Variants in PDE10A observed in about 807,000 individuals in gnomAD.
PDE10A encodes phosphodiesterase 10A, also known as cAMP and cAMP-inhibited cGMP 3',5'-cyclic phosphodiesterase 10A.
A neutral mutation model predicts 97.7 loss-of-function variants in PDE10A; 39 were observed. That is an observed-to-expected ratio of 0.40 (90% CI 0.31 to 0.52). The LOEUF (loss-of-function observed/expected upper bound fraction) is 0.52, where lower values mean the gene tolerates loss of function less well. PDE10A is among the 20% of genes least tolerant of loss of function. PDE10A has a pLI of 0.56. For synonymous variants in PDE10A, 371 were observed against 376.8 expected (o/e 0.98, Z 0.18); for missense variants, 731 against 1,047.8 (o/e 0.70, Z 4.17).
At chr6:165,638,096 C>T (rs1788963957) in intron 1 of PDE10A, among the ~76,000 whole-genome samples, 2 of 152,096 alleles carry the variant, frequency 1.3e-5, no homozygotes, top group Non-Finnish European at 2.9e-5. Context: ...GTGAAAGAGG[C>T]CAACTCAACA....
intron 1 of PDE10A, among the ~76,000 whole-genome samples, chr6:165,720,245 T>C (rs1273739364): frequency 6.6e-6 from 1 of 152,226 alleles, no homozygotes. Flanking sequence ...ACTATTTATT[T>C]TTTTGATGAT....
chr6:165,750,458 C>T (rs115738734), intron 1 of PDE10A, among the ~76,000 whole-genome samples: 1,938 of 152,224 alleles, frequency 0.013, 40 homozygotes, highest in African/African-American at 0.039. Flanking sequence ...AGCTGGGCTG[C>T]CCAGCACCCC....
chr6:165,432,086 C>T (rs1409933952), intron 7 of PDE10A, among the ~76,000 whole-genome samples: 1 of 152,140 alleles, frequency 6.6e-6, no homozygotes, highest in East Asian at 1.9e-4. Flanking sequence ...ATGTACCAGG[C>T]ACTATTCTAG....
At chr6:165,557,690 G>T (rs1784324578) in intron 1 of PDE10A, among the ~76,000 whole-genome samples, 1 of 151,944 alleles carries the variant, frequency 6.6e-6, no homozygotes, top group Non-Finnish European at 1.5e-5. Context: ...ATTCACCCAA[G>T]AATTTTTTTA....
At chr6:165,387,090 G>T (rs528604610) in intron 17 of PDE10A, among the ~76,000 whole-genome samples, 79 of 152,212 alleles carry the variant, frequency 5.2e-4, no homozygotes, top group Admixed American at 2.0e-3. Context: ...CATTTAAAAA[G>T]GAAAGAGCTG....
At chr6:165,492,836 C>T (rs1373007013) in intron 2 of PDE10A, among the ~76,000 whole-genome samples, 1 of 152,092 alleles carries the variant, frequency 6.6e-6, no homozygotes, top group African/African-American at 2.4e-5. Context: ...GAAGTCCTAG[C>T]CACAGCAATC....
chr6:165,904,290 G>T (rs544222735), intron 1 of PDE10A, among the ~76,000 whole-genome samples: 290 of 152,266 alleles, frequency 1.9e-3, no homozygotes, highest in Non-Finnish European at 3.5e-3. Flanking sequence ...TGAGGCCATT[G>T]CATCTGCCTT....
intron 1 of PDE10A, among the ~76,000 whole-genome samples, chr6:165,930,930 T>G (rs1304071915): frequency 1.3e-5 from 2 of 152,122 alleles, no homozygotes; most frequent in Non-Finnish European, 2.9e-5. Context: ...GTGGTGCTGA[T>G]GAAACTGAGG....
intron 1 of PDE10A, among the ~76,000 whole-genome samples, chr6:165,592,761 A>T (rs1786353268): frequency 6.6e-6 from 1 of 152,226 alleles, no homozygotes; most frequent in South Asian, 2.1e-4. Context: ...ATCATCTCAC[A>T]CCAGTTAAAA....
chr6:165,575,333 C>A (rs1785248539), intron 1 of PDE10A, among the ~76,000 whole-genome samples: 2 of 152,184 alleles, frequency 1.3e-5, no homozygotes, highest in Non-Finnish European at 2.9e-5. Context: ...CAAGACTGTT[C>A]CATTACTACT....
At position 165,765,826 on chromosome 6, in the gene PDE10A, C is replaced by T. The variant is rs374739506; in HGVS notation, c.-615+221703G>A. Among the ~76,000 whole-genome samples, 18 of 152,348 alleles carry T rather than the reference C, an allele frequency of 1.2e-4. No homozygotes were observed. The East Asian group carries it at 3.3e-3, about 28-fold the overall frequency. Reference sequence around the variant, plus strand: ...CCAGAGTGAGCGAGGGCTCTGAGGACTGCCAGCCCGCTGTCACCTCTCATT... The same window carrying T: ...CCAGAGTGAGCGAGGGCTCTGAGGATTGCCAGCCCGCTGTCACCTCTCATT... On this transcript the variant is annotated intron_variant, in intron 1 of 19. Coordinates refer to the PDE10A transcript ENST00000366882.
intron 1 of PDE10A, among the ~76,000 whole-genome samples, chr6:165,880,185 G>T (rs1781438796): frequency 6.6e-6 from 1 of 152,174 alleles, no homozygotes; most frequent in South Asian, 2.1e-4. Context: ...TAACCACTCT[G>T]CCAGACGGCA....
intron 1 of PDE10A, among the ~76,000 whole-genome samples, chr6:165,758,268 C>T (rs1462501459): frequency 6.6e-6 from 1 of 152,058 alleles, no homozygotes; most frequent in Non-Finnish European, 1.5e-5. Flanking sequence ...ACAGACCAGC[C>T]TGGCCAACAT....
rs886419779 is a variant in PDE10A at position 165,388,908 on chromosome 6, C to A, written c.2455-455G>T. Among the ~76,000 whole-genome samples, 10 of 151,748 alleles carry A rather than the reference C, an allele frequency of 6.6e-5. No individual in the cohort carries two copies. Among genetic ancestry groups the A allele is most frequent in the African/African-American group, 2.4e-4 (10 of 41,272 alleles). On this transcript the variant is annotated intron_variant, in intron 16 of 21. Transcript: ENST00000539869. This position sits in a 1 kb window ranked among gnomAD's most constrained non-coding sequence, Gnocchi z 4.0. Reference sequence around the variant, plus strand: ...TAAATCATATCGCATGTAAAAATGGCAAATATATAGAAAAAAAGGCAGAGC... The same window carrying A: ...TAAATCATATCGCATGTAAAAATGGAAAATATATAGAAAAAAAGGCAGAGC...
rs138765866 is a variant in PDE10A at position 165,714,201 on chromosome 6, T to C, written c.-614-170633A>G. ...TGGGCAGCTCAGTGTTCATGCCTCA[T>C]ACACAGAACCAAGCTCTGCGTGGGC... On this transcript the variant is annotated intron_variant, in intron 1 of 19. Coordinates refer to the PDE10A transcript ENST00000366882. Among the ~76,000 whole-genome samples, 14 of 152,324 alleles carry C rather than the reference T, an allele frequency of 9.2e-5. No individual in the cohort carries two copies. The East Asian group carries it at 2.7e-3, about 29-fold the overall frequency.
At chr6:165,430,068 ACAT>A (rs1052049047) in intron 9 of PDE10A, among the ~76,000 whole-genome samples, 2 of 152,138 alleles carry the variant, frequency 1.3e-5, no homozygotes, top group Non-Finnish European at 2.9e-5. Flanking sequence ...TGGAAAATTA[ACAT>A]CATCACATAT....
At chr6:165,786,048 G>A (rs1471712890) in intron 1 of PDE10A, among the ~76,000 whole-genome samples, 9 of 152,180 alleles carry the variant, frequency 5.9e-5, no homozygotes, top group Non-Finnish European at 8.8e-5. Flanking sequence ...AATGAGTTGC[G>A]ACTTCCTAAA....
chr6:165,707,964 G>A (rs1207418115), intron 1 of PDE10A, among the ~76,000 whole-genome samples: 1 of 152,096 alleles, frequency 6.6e-6, no homozygotes, highest in East Asian at 1.9e-4. Context: ...CGCCATGTGC[G>A]TCTCATAGGA....
chr6:165,373,363 T>G (rs529244809), intron 18 of PDE10A, among the ~76,000 whole-genome samples: 3 of 151,996 alleles, frequency 2.0e-5, no homozygotes, highest in African/African-American at 7.2e-5. Flanking sequence ...GAATCTACAA[T>G]GAACTCAAAC....
Sources: gnomAD v4.1 joint callset for allele counts (sites outside exome capture counted in the v4.1 genomes callset) on GRCh38, gnomAD v4.1.1 for gene constraint, Gnocchi (gnomAD v3.1) non-coding constraint, MANE v1.5 for transcripts, NCBI Gene and HGNC (gene_info 2026-07-23, HGNC 2026-07-21) for gene names.